NEDD4L: variants seen among roughly 807,000 people sequenced by gnomAD.
NEDD4L encodes E3 ubiquitin-protein ligase NEDD4-like.
A neutral mutation model predicts 148.9 loss-of-function variants in NEDD4L; 54 were observed. The observed-to-expected ratio is 0.36, with a 90% CI of 0.29 to 0.45. The LOEUF (loss-of-function observed/expected upper bound fraction) is 0.45. NEDD4L is among the 20% of genes least tolerant of loss of function. The pLI, the probability that NEDD4L is intolerant of heterozygous loss-of-function variation, is 1.00. For synonymous variants in NEDD4L, 433 were observed against 440.7 expected, an observed-to-expected ratio of 0.98 and a Z score of 0.22; for missense variants, 856 against 1,233.8, an observed-to-expected ratio of 0.69 and a Z score of 4.59.
At chr18:58,126,376 G>A (rs1349208267) in intron 1 of NEDD4L, among the ~76,000 whole-genome samples, 4 of 152,134 alleles carry the variant, frequency 2.6e-5, no homozygotes, top group South Asian at 2.1e-4. Context: ...TTGCATAAAC[G>A]GAATCATACT....
chr18:58,217,505 G>A (rs1342855520), intron 2 of NEDD4L, among the ~76,000 whole-genome samples: 1 of 152,022 alleles, frequency 6.6e-6, no homozygotes, highest in Non-Finnish European at 1.5e-5. Flanking sequence ...CTAGGGTCTC[G>A]CTCTGTCACC....
At position 58,118,359 on chromosome 18, in the gene NEDD4L, A is replaced by G. The variant is rs150604749; in HGVS notation, c.49-47429A>G. Among the ~76,000 whole-genome samples, 376 of 152,366 alleles carry G rather than the reference A, an allele frequency of 2.5e-3. 3 individuals carry two copies. Among genetic ancestry groups the G allele is most frequent in the African/African-American group, 8.8e-3 (365 of 41,586 alleles). ...ATTTGTGGTCTGAACATTTTTGAGT[A>G]GATAAAAATGGAAACTGAAATTGGT... is the stretch of plus-strand genomic sequence containing the variant. On this transcript the variant is annotated intron_variant, in intron 1 of 30. Coordinates refer to ENST00000400345, the MANE Select transcript of NEDD4L (RefSeq NM_001144967.3).
intron 5 of NEDD4L, among the ~76,000 whole-genome samples, chr18:58,306,266 C>T (rs1381334372): frequency 6.7e-6 from 1 of 148,184 alleles, no homozygotes; most frequent in Non-Finnish European, 1.5e-5. Flanking sequence ...AAGAGCTCTG[C>T]TTTAAAAGAT....
Position 58,195,301 on chromosome 18 carries a change from G to A in NEDD4L, c.122+29440G>A, listed in dbSNP as rs151337610. 1,032 of 634,516 alleles carry A rather than the reference G, an allele frequency of 1.6e-3. 6 individuals are homozygous for A. Among genetic ancestry groups the A allele is most frequent in the African/African-American group, 9.6e-3 (500 of 51,948 alleles). 39.3% of individuals were successfully genotyped at this position (634,516 alleles called of 1,614,324 possible). ...GTTGTTTTGTTGCAAGGGCAGCATTGTGGGGCTGTGGTTTGAATTGCTTTT... is the reference window on the plus strand; with the variant it reads ...GTTGTTTTGTTGCAAGGGCAGCATTATGGGGCTGTGGTTTGAATTGCTTTT... On this transcript the variant is annotated intron_variant, in intron 2 of 30. Transcript: ENST00000400345.
intron 1 of NEDD4L, among the ~76,000 whole-genome samples, chr18:58,109,174 C>T (rs1257358310): frequency 6.6e-6 from 1 of 152,230 alleles, no homozygotes; most frequent in African/African-American, 2.4e-5. Flanking sequence ...AGGCAAGGCT[C>T]CTGCCCTCAT....
At chr18:58,343,189 C>T in intron 16 of NEDD4L, 86 bp downstream of exon 16, 1 of 1,301,520 alleles carries the variant, frequency 7.7e-7, no homozygotes, top group Non-Finnish European at 1.1e-6. Context: ...GTAGTTCTTG[C>T]AGAGGAATTG....
At chr18:58,137,831 TG>T (rs1301027000) in intron 1 of NEDD4L, among the ~76,000 whole-genome samples, 2 of 152,156 alleles carry the variant, frequency 1.3e-5, no homozygotes, top group African/African-American at 4.8e-5. Flanking sequence ...GTAAGCTGGG[TG>T]GTTTATATAC....
chr18:58,075,876 C>CCATG (rs547696487), intron 1 of NEDD4L, among the ~76,000 whole-genome samples: 1 of 152,038 alleles, frequency 6.6e-6, no homozygotes, highest in Non-Finnish European at 1.5e-5. Context: ...CTGCAGTGAA[C>CCATG]CATGATTGCA....
chr18:58,350,879 C>T, intron 17 of NEDD4L, 112 bp from the exon 18 acceptor site: 1 of 748,710 alleles, frequency 1.3e-6, no homozygotes, highest in Non-Finnish European at 2.2e-6. Flanking sequence ...ATAAATGTAC[C>T]CTAGCAGAAA....
intron 2 of NEDD4L, among the ~76,000 whole-genome samples, chr18:58,229,649 G>A (rs2044831717): frequency 6.6e-6 from 1 of 152,106 alleles, no homozygotes; most frequent in Non-Finnish European, 1.5e-5. Flanking sequence ...AGTTTATTTT[G>A]TATGTGAAGA....
In NEDD4L at chr18:58,400,743, C is replaced by T. The variant is rs894011929; in HGVS notation, c.*4474C>T. The T allele has an allele frequency of 6.6e-6, 1 of 152,200 alleles. No homozygotes were observed. Among genetic ancestry groups the T allele is most frequent in the African/African-American group, 2.4e-5 (1 of 41,444 alleles). The allele number at this position is 152,200 out of a possible 1,614,324, so 9.4% of individuals were successfully genotyped here. On this transcript the variant is annotated 3_prime_UTR_variant, in exon 31 of 31. Transcript: ENST00000400345. Reference sequence around the variant, plus strand: ...CCCCGTACCAGTGCATCATCAGAAGCCTTCCTCGTGACCATAACTCTGTGT... The same window carrying T: ...CCCCGTACCAGTGCATCATCAGAAGTCTTCCTCGTGACCATAACTCTGTGT...
intron 5 of NEDD4L, among the ~76,000 whole-genome samples, chr18:58,309,585 C>T (rs546212806): frequency 1.3e-5 from 2 of 151,948 alleles, no homozygotes; most frequent in South Asian, 4.2e-4. Flanking sequence ...GGAAAAGCTC[C>T]TAAGCACAAC....
At chr18:58,161,276 C>T (rs1278654726) in intron 1 of NEDD4L, among the ~76,000 whole-genome samples, 2 of 152,158 alleles carry the variant, frequency 1.3e-5, no homozygotes, top group Non-Finnish European at 2.9e-5. Context: ...AGTGATCCAC[C>T]CATCTTGGCC....
At chr18:58,069,136 CAAAAAAAAAA>C (rs1161273608) in intron 1 of NEDD4L, among the ~76,000 whole-genome samples, 3 of 73,272 alleles carry the variant, frequency 4.1e-5, no homozygotes, top group South Asian at 5.5e-4. Flanking sequence ...AATCTGTCTC[CAAAAAAAAAA>C]AAAAAAAAAA....
chr18:58,320,396 A>G (rs1274515065), intron 6 of NEDD4L, among the ~76,000 whole-genome samples: 1 of 152,158 alleles, frequency 6.6e-6, no homozygotes, highest in Non-Finnish European at 1.5e-5. Flanking sequence ...TGTGTCAGTG[A>G]ATTTGTTCTG....
At chr18:58,361,708 A>T (rs2045513125) in intron 19 of NEDD4L, among the ~76,000 whole-genome samples, 1 of 152,212 alleles carries the variant, frequency 6.6e-6, no homozygotes, top group South Asian at 2.1e-4. Flanking sequence ...CGACCTACAC[A>T]ATAAGGCAGA....
At chr18:58,265,547 A>AGAGG (rs1413031494) in intron 5 of NEDD4L, among the ~76,000 whole-genome samples, 2 of 152,094 alleles carry the variant, frequency 1.3e-5, no homozygotes, top group South Asian at 2.1e-4. Flanking sequence ...ACTGGAACAG[A>AGAGG]GAGGATGAAG....
chr18:58,353,853 G>A lies in NEDD4L; in HGVS notation c.1708+2808G>A, dbSNP rs1005274688. Among the ~76,000 whole-genome samples the A allele has an allele frequency of 7.2e-5, 11 of 152,172 alleles. No individual in the cohort carries two copies. The South Asian group carries it at 8.3e-4, about 11-fold the overall frequency. On this transcript the variant is annotated intron_variant, in intron 18 of 30. Transcript: ENST00000400345. ...CGTATGCCACAATGCCGTGAGTGCC[G>A]TCATCTTGTAAATTGCTTAGAGTCA...
Position 58,330,748 on chromosome 18 carries a change from C to A in NEDD4L, c.824C>A (p.Thr275Asn). The change falls in exon 11 of 31, where the codon ACC becomes AAC. Residue 275 changes from threonine (T) to asparagine (N), a missense_variant. Coordinates refer to ENST00000400345, the MANE Select transcript of NEDD4L (RefSeq NM_001144967.3). ...CTCCTTCTCTGAAAGCCTTGGGAGA[C>A]CATTTCAGAGGAAGTGAATATCGCT... ...EGGDVPEPWETISEEVNIAGD... is the reference protein window; with the variant it reads ...EGGDVPEPWENISEEVNIAGD... 5.6e-6 allele frequency: 9 copies of A among 1,595,130 alleles called. No homozygotes were observed. Among genetic ancestry groups the A allele is most frequent in the South Asian group, 1.1e-5 (1 of 88,378 alleles).
Sources: allele counts gnomAD v4.1 joint callset (sites outside exome capture counted in the v4.1 genomes callset), GRCh38; gene constraint gnomAD v4.1.1; transcripts MANE v1.5; gene names NCBI Gene and HGNC (gene_info 2026-07-23, HGNC 2026-07-21).